Variants in RNGTT observed in about 807,000 individuals in gnomAD.
The protein encoded by RNGTT is mRNA-capping enzyme.
RNGTT carries 33 observed loss-of-function variants against 79.3 expected under a neutral mutation model. The ratio of observed to expected loss-of-function variants is 0.42; its 90% CI spans 0.32 to 0.56. The LOEUF (loss-of-function observed/expected upper bound fraction) is 0.56, where lower values mean the gene tolerates loss of function less well. Among genes scored for constraint, RNGTT ranks in the 20% least tolerant of loss-of-function variants. The probability of loss-of-function intolerance (pLI) is 0.17; values close to 1 mark genes in which losing one functional copy is unlikely to be tolerated. For missense variants in RNGTT, 497 were observed against 739.1 expected (o/e 0.67, Z 3.80); for synonymous variants, 222 against 235.9 (o/e 0.94, Z 0.54).
chr6:88,665,708 G>T (rs1228242361), intron 14 of RNGTT, among the ~76,000 whole-genome samples: 4 of 152,196 alleles, frequency 2.6e-5, no homozygotes, highest in East Asian at 3.9e-4. Flanking sequence ...TTCCCCAGGG[G>T]TTCAAGAACT....
intron 13 of RNGTT, among the ~76,000 whole-genome samples, chr6:88,764,794 A>C (rs1778395931): frequency 6.6e-6 from 1 of 152,202 alleles, no homozygotes. Context: ...CCATTGAAAG[A>C]GTTGTACCAA....
rs201967889 is a variant in RNGTT at position 88,769,985 on chromosome 6, CAT to C, written c.1339-113_1339-112del. The C allele has an allele frequency of 8.4e-3, 5,645 of 669,812 alleles. 41 individuals are homozygous for C. The highest frequency in any genetic ancestry group is 0.028 in the South Asian group (1,198 of 43,322). The allele number at this position is 669,812 out of a possible 1,614,324, so 41.5% of individuals were successfully genotyped here. A position where few individuals can be genotyped will look rare whatever the true frequency, so the allele number is the denominator to read the frequency against. On this transcript the variant is annotated intron_variant, in intron 12 of 15. Transcript: ENST00000369485. ...TAAGCAAAATTACTTCTTTTCTAAACATAATTTTAATCTTCAACCAACAAGTC... is the reference window on the plus strand; with the variant it reads ...TAAGCAAAATTACTTCTTTTCTAAACAATTTTAATCTTCAACCAACAAGTC...
chr6:88,719,906 T>C (rs1412179444), intron 13 of RNGTT, among the ~76,000 whole-genome samples: 3 of 152,196 alleles, frequency 2.0e-5, no homozygotes, highest in African/African-American at 7.2e-5. Context: ...GCCATTCGTG[T>C]TTAATGATTC....
At chr6:88,933,665 G>A (rs1399942284) in intron 2 of RNGTT, among the ~76,000 whole-genome samples, 1 of 152,070 alleles carries the variant, frequency 6.6e-6, no homozygotes, top group African/African-American at 2.4e-5. Flanking sequence ...GTGAAACTGT[G>A]GAATTTGTCT....
chr6:88,712,990 C>T (rs1776370217), intron 13 of RNGTT, among the ~76,000 whole-genome samples: 1 of 152,108 alleles, frequency 6.6e-6, no homozygotes, highest in Non-Finnish European at 1.5e-5. Context: ...AGAATTCAGG[C>T]CCTTAATTTT....
chr6:88,816,381 T>C lies in RNGTT; in HGVS notation c.1270-14749A>G, dbSNP rs932323731. ...TGTGTATACAGTATATGGGGACATATATGTGCACTTATAGTCCCTAGGCTA... is the reference window on the plus strand; with the variant it reads ...TGTGTATACAGTATATGGGGACATACATGTGCACTTATAGTCCCTAGGCTA... On this transcript the variant is annotated intron_variant, in intron 11 of 15. Coordinates refer to ENST00000369485, the MANE Select transcript of RNGTT (RefSeq NM_003800.5). Among the ~76,000 whole-genome samples, 4 of 152,292 alleles carry C rather than the reference T, an allele frequency of 2.6e-5. No individual in the cohort carries two copies. In the East Asian group the frequency reaches 7.7e-4, roughly 29 times the overall value.
intron 13 of RNGTT, among the ~76,000 whole-genome samples, chr6:88,767,408 T>C (rs980291151): frequency 1.3e-5 from 2 of 152,026 alleles, no homozygotes; most frequent in African/African-American, 4.8e-5. Flanking sequence ...AATAGGAAAC[T>C]GCAAGAAAAA....
At chr6:88,717,601 C>T (rs1776562710) in intron 13 of RNGTT, among the ~76,000 whole-genome samples, 1 of 152,198 alleles carries the variant, frequency 6.6e-6, no homozygotes, top group Admixed American at 6.5e-5. Context: ...ATGATCAATA[C>T]TTTGGGTTTT....
intron 10 of RNGTT, among the ~76,000 whole-genome samples, chr6:88,847,215 G>T (rs1449211193): frequency 6.6e-6 from 1 of 151,666 alleles, no homozygotes; most frequent in Admixed American, 6.6e-5. Flanking sequence ...CCAATGAAAC[G>T]CTGTGCAAAT....
intron 12 of RNGTT, among the ~76,000 whole-genome samples, chr6:88,775,602 TATA>T (rs901183954): frequency 1.3e-5 from 2 of 152,168 alleles, no homozygotes; most frequent in African/African-American, 2.4e-5. Flanking sequence ...CTGTTTCAAT[TATA>T]ATAAGGAGGT....
At chr6:88,743,037 C>G (rs192951595) in intron 13 of RNGTT, among the ~76,000 whole-genome samples, 1 of 152,222 alleles carries the variant, frequency 6.6e-6, no homozygotes, top group East Asian at 1.9e-4. Context: ...CGCTATATTT[C>G]CCAAAGCTAG....
In RNGTT at chr6:88,643,100, G is replaced by A. The variant is rs528806492; in HGVS notation, c.1507-28705C>T. On this transcript the variant is annotated intron_variant, in intron 14 of 15. Coordinates refer to ENST00000369485, the MANE Select transcript of RNGTT (RefSeq NM_003800.5). The stretch of plus-strand genomic sequence containing the variant: ...TACACCTAACCTACCTAACCTCACA[G>A]CTTAGCATAGCCTACCTTAAGTGTG... Among the ~76,000 whole-genome samples the A allele has an allele frequency of 3.3e-5, 5 of 152,100 alleles. No homozygotes were observed. The South Asian group carries it at 1.0e-3, about 32-fold the overall frequency.
chr6:88,724,419 T>C (rs1253469920), intron 13 of RNGTT, among the ~76,000 whole-genome samples: 1 of 152,220 alleles, frequency 6.6e-6, no homozygotes, highest in East Asian at 1.9e-4. Context: ...TATAGTAATA[T>C]GCTGTACACA....
chr6:88,676,967 T>G (rs1328993604), intron 14 of RNGTT, among the ~76,000 whole-genome samples: 1 of 152,178 alleles, frequency 6.6e-6, no homozygotes, highest in Non-Finnish European at 1.5e-5. Flanking sequence ...GCAGCTTTAT[T>G]TGTAATAGCC....
chr6:88,692,042 C>A (rs1775500272), intron 13 of RNGTT, among the ~76,000 whole-genome samples: 1 of 152,006 alleles, frequency 6.6e-6, no homozygotes, highest in Non-Finnish European at 1.5e-5. Context: ...TAAAAAGAAA[C>A]ATAACTACAT....
At chr6:88,800,452 C>T (rs564383900) in intron 12 of RNGTT, among the ~76,000 whole-genome samples, 1 of 152,020 alleles carries the variant, frequency 6.6e-6, no homozygotes, top group African/African-American at 2.4e-5. Context: ...TTTCTTTGAC[C>T]CCAGGCACCC....
At chr6:88,671,632 A>G (rs992876832) in intron 14 of RNGTT, among the ~76,000 whole-genome samples, 1 of 152,212 alleles carries the variant, frequency 6.6e-6, no homozygotes, top group Non-Finnish European at 1.5e-5. Context: ...TAAAAAAAAG[A>G]GCCTGCAAAG....
chr6:88,701,981 C>A (rs541356410), intron 13 of RNGTT, among the ~76,000 whole-genome samples: 3 of 151,962 alleles, frequency 2.0e-5, no homozygotes, highest in Admixed American at 6.6e-5. Flanking sequence ...AAAACACACA[C>A]AAAAAAACCT....
chr6:88,750,701 G>A (rs574462808), intron 13 of RNGTT, among the ~76,000 whole-genome samples: 16 of 152,100 alleles, frequency 1.1e-4, no homozygotes, highest in Admixed American at 3.3e-4. Flanking sequence ...AAACATTCCC[G>A]AGTTCCACGC....
Sources: allele counts gnomAD v4.1 joint callset (sites outside exome capture counted in the v4.1 genomes callset), GRCh38; gene constraint gnomAD v4.1.1; transcripts MANE v1.5; gene names NCBI Gene and HGNC (gene_info 2026-07-23, HGNC 2026-07-21).